DYNC1H1: variants seen among roughly 807,000 people sequenced by gnomAD.
The protein encoded by DYNC1H1 is cytoplasmic dynein 1 heavy chain 1.
A neutral mutation model predicts 527.1 loss-of-function variants in DYNC1H1; 51 were observed. The observed-to-expected ratio is 0.10, with a 90% CI of 0.08 to 0.12. DYNC1H1 has a LOEUF of 0.12. Among genes scored for constraint, DYNC1H1 ranks in the 10% least tolerant of loss-of-function variants. The pLI is 1.00. For missense variants in DYNC1H1, 2,771 were observed against 5,971.8 expected (o/e 0.46, Z 17.66); for synonymous variants, 2,189 against 2,278.8 (o/e 0.96, Z 1.12).
chr14:102,004,473 T>C, intron 23 of DYNC1H1, 45 bp from the exon 24 acceptor site: 1 of 1,568,778 alleles, frequency 6.4e-7, no homozygotes, highest in East Asian at 2.3e-5. Flanking sequence ...TCACCTTATA[T>C]GTGTATATAA....
intron 9 of DYNC1H1, among the ~76,000 whole-genome samples, chr14:101,988,065 T>TCA (rs963105024): frequency 9.2e-5 from 14 of 151,696 alleles, no homozygotes; most frequent in South Asian, 2.1e-4. Flanking sequence ...TGAGACCCTG[T>TCA]CACACACACA....
In DYNC1H1 at chr14:102,044,795, C is replaced by T. The variant is rs188868117; in HGVS notation, c.13006+97C>T. 3 of 1,396,238 alleles carry T rather than the reference C, an allele frequency of 2.1e-6. No individual in the cohort carries two copies. The highest frequency in any genetic ancestry group is 2.8e-5 in the African/African-American group (2 of 70,720). The allele number at this position is 1,396,238 out of a possible 1,614,324, so 86.5% of individuals were successfully genotyped here. A position where few individuals can be genotyped will look rare whatever the true frequency, so the allele number is the denominator to read the frequency against. On this transcript the variant is annotated intron_variant, in intron 72 of 77. Transcript: ENST00000360184. This position sits in a 1 kb window ranked among gnomAD's most constrained non-coding sequence, Gnocchi z 7.1. The stretch of plus-strand genomic sequence containing the variant: ...GGTCCCCACACGCAGGGTGAGTGTG[C>T]ACTGCTGTCCCAGGGCCCTCCCTGG...
rs2048337992 is a variant in DYNC1H1, at chr14:102,017,585, G to A, written c.8177+81G>A. ...GTAAACACAGCGCCACAAAAACCTG[G>A]TTTTGATAATAAAGACAACAATACT... On this transcript the variant is annotated intron_variant, in intron 40 of 77. Coordinates refer to ENST00000360184, the MANE Select transcript of DYNC1H1 (RefSeq NM_001376.5). This position sits in a 1 kb window ranked among gnomAD's most constrained non-coding sequence, Gnocchi z 4.6. 7 of 1,611,328 alleles carry A rather than the reference G, an allele frequency of 4.3e-6. No homozygotes were observed. Among genetic ancestry groups the A allele is most frequent in the Non-Finnish European group, 2.5e-6 (3 of 1,177,784 alleles).
rs897230510 is a variant in DYNC1H1, at chr14:102,004,421, A to G, written c.4884-97A>G. 6 of 1,389,784 alleles carry G rather than the reference A, an allele frequency of 4.3e-6. No homozygotes were observed. The African/African-American group carries it at 7.2e-5, about 17-fold the overall frequency. 86.1% of individuals were successfully genotyped at this position (1,389,784 alleles called of 1,614,324 possible). On this transcript the variant is annotated intron_variant, in intron 23 of 77. Coordinates refer to ENST00000360184, the MANE Select transcript of DYNC1H1 (RefSeq NM_001376.5). ...GGGCTGGAGATTGCCACCACCAGAC[A>G]CATGTTCTTTCCCTTCCTGCAGTTT...
At chr14:101,976,689 G>T (rs2047805320) in intron 2 of DYNC1H1, among the ~76,000 whole-genome samples, 1 of 152,030 alleles carries the variant, frequency 6.6e-6, no homozygotes, top group Non-Finnish European at 1.5e-5. Context: ...GCCATATCAT[G>T]GCATCTATCT....
chr14:101,979,598 G>T lies in DYNC1H1; in HGVS notation c.518+106G>T, dbSNP rs2047840280. 6.2e-7 allele frequency: 1 copy of T among 1,604,832 alleles called. No homozygotes were observed. The highest frequency in any genetic ancestry group is 8.5e-7 in the Non-Finnish European group (1 of 1,173,398). Reference sequence around the variant, plus strand: ...GGAGGGTAACGCTAGTGAGCCGAGGGGATATAAACCCTGTGTATTAATAAA... The same window carrying T: ...GGAGGGTAACGCTAGTGAGCCGAGGTGATATAAACCCTGTGTATTAATAAA... On this transcript the variant is annotated intron_variant, in intron 3 of 77. Transcript: ENST00000360184. The surrounding 1 kb of genome is among the most constrained non-coding windows in gnomAD (Gnocchi z 4.6).
intron 7 of DYNC1H1, among the ~76,000 whole-genome samples, chr14:101,984,660 C>T (rs2047912127): frequency 6.7e-6 from 1 of 150,120 alleles, no homozygotes; most frequent in Non-Finnish European, 1.5e-5. Context: ...CGGCCGGGCG[C>T]GGTGGCTCAC....
In DYNC1H1 at chr14:101,970,470, G is replaced by GTTTTTT. The variant is rs1324948272; in HGVS notation, c.257-5240_257-5239insTTTTTT. Among the ~76,000 whole-genome samples, 259 of 96,288 alleles carry GTTTTTT rather than the reference G, an allele frequency of 2.7e-3. 61 individuals are homozygous for GTTTTTT. Among genetic ancestry groups the GTTTTTT allele is most frequent in the African/African-American group, 9.5e-3 (199 of 21,048 alleles). The allele number at this position is 96,288 out of a possible 152,430, so 63.2% of individuals were successfully genotyped here. A position where few individuals can be genotyped will look rare whatever the true frequency, so the allele number is the denominator to read the frequency against. On this transcript the variant is annotated intron_variant, in intron 1 of 77. Coordinates refer to ENST00000360184, the MANE Select transcript of DYNC1H1 (RefSeq NM_001376.5). Reference sequence around the variant, plus strand: ...GTGGTATTAGTATGTTTGGTTTGTTGTTGTTTTTTTTTTTTTTTTTTTTTT... The same window carrying GTTTTTT: ...GTGGTATTAGTATGTTTGGTTTGTTGTTTTTTTTGTTTTTTTTTTTTTTTTTTTTTT...
chr14:102,048,815 T>TG, intron 74 of DYNC1H1, 146 bp downstream of exon 74: 4 of 59,330 alleles, frequency 6.7e-5, no homozygotes, highest in Non-Finnish European at 1.0e-4. Flanking sequence ...ACCCTCAAGG[T>TG]GGGCGGGGGG....
In DYNC1H1 at chr14:102,005,626, G is replaced by C. The variant is rs1429967569; in HGVS notation, c.5434-262G>C. Among the ~76,000 whole-genome samples the C allele has an allele frequency of 3.3e-5, 5 of 152,248 alleles. No individual in the cohort carries two copies. The highest frequency in any genetic ancestry group is 1.2e-4 in the African/African-American group (5 of 41,460). On this transcript the variant is annotated intron_variant, in intron 26 of 77. Coordinates refer to ENST00000360184, the MANE Select transcript of DYNC1H1 (RefSeq NM_001376.5). The surrounding 1 kb of genome is among the most constrained non-coding windows in gnomAD (Gnocchi z 4.0). ...AAAGCTAGTCTTCCATGATGTTTTA[G>C]AATGGTTGCAGAATTTTAAAATATT...
In DYNC1H1 at chr14:101,994,977, C is replaced by G. The variant is rs374218549; in HGVS notation, c.3334-9C>G. On this transcript the variant is annotated splice_polypyrimidine_tract_variant and intron_variant, in intron 13 of 77. Coordinates refer to ENST00000360184, the MANE Select transcript of DYNC1H1 (RefSeq NM_001376.5). ...GCTGATGATGTGTTGTGTGCTATTT[C>G]ACCCTCAGGTACAATCTAAGGTGAA... The G allele has an allele frequency of 1.2e-6, 2 of 1,613,954 alleles. No homozygotes were observed. The highest frequency in any genetic ancestry group is 1.7e-6 in the Non-Finnish European group (2 of 1,179,802).
chr14:102,000,740 A>G (rs2048121364), intron 18 of DYNC1H1: 1 of 526,186 alleles, frequency 1.9e-6, no homozygotes, highest in Non-Finnish European at 3.4e-6. Flanking sequence ...ACGCCCGGCT[A>G]ATTTTGTATT....
At chr14:102,040,802 A>C in intron 64 of DYNC1H1, 129 bp downstream of exon 64, 1 of 1,161,362 alleles carries the variant, frequency 8.6e-7, no homozygotes, top group Non-Finnish European at 1.3e-6. Context: ...TCTACAAAAA[A>C]TAAAACCTTA....
chr14:101,999,248 C>T (rs918895230), intron 16 of DYNC1H1, among the ~76,000 whole-genome samples: 5 of 152,064 alleles, frequency 3.3e-5, no homozygotes, highest in African/African-American at 1.2e-4. Context: ...ATGGTCATAG[C>T]TCACTGAAGC....
rs866504188 is a variant in DYNC1H1, at chr14:101,986,847, G to A, written c.2538+84G>A. 27 of 1,496,364 alleles carry A rather than the reference G, an allele frequency of 1.8e-5. 1 individual carries two copies. The Middle Eastern group carries it at 2.2e-3, about 119-fold the overall frequency. The allele number at this position is 1,496,364 out of a possible 1,614,324, so 92.7% of individuals were successfully genotyped here. The stretch of plus-strand genomic sequence containing the variant: ...GCTCAGTTAAAACACTAGTTCTCCC[G>A]AAGAAGGCATGCATGGTTGATGCAG... On this transcript the variant is annotated intron_variant, in intron 8 of 77. Coordinates refer to ENST00000360184, the MANE Select transcript of DYNC1H1 (RefSeq NM_001376.5). This position sits in a 1 kb window ranked among gnomAD's most constrained non-coding sequence, Gnocchi z 8.7.
rs753248251 is a variant in DYNC1H1, at chr14:102,043,941, T to C, written c.12580T>C (p.Leu4194=). The C allele has an allele frequency of 4.3e-6, 7 of 1,614,232 alleles. No homozygotes were observed. In the East Asian group the frequency reaches 1.6e-4, roughly 36 times the overall value. Residue 4194 remains leucine (L), a synonymous_variant, in exon 70 of 78, where the codon TTA becomes CTA. Transcript: ENST00000360184. The part of the protein sequence containing the change: ...AWFHAIIQER[L]RYAPLGWSKK... ...GTTTCATGCGATCATCCAAGAACGC[T>C]TACGATACGCACCACTGGGGTGGTC...
intron 5 of DYNC1H1, among the ~76,000 whole-genome samples, chr14:101,982,681 C>A (rs1281589096): frequency 1.4e-5 from 2 of 143,650 alleles, no homozygotes; most frequent in African/African-American, 2.6e-5. Flanking sequence ...CACCCCCCAA[C>A]CATCTGTGGA....
At chr14:101,984,932 CAAAAAAAA>C (rs773102943) in intron 7 of DYNC1H1, among the ~76,000 whole-genome samples, 10 of 40,164 alleles carry the variant, frequency 2.5e-4, no homozygotes, top group African/African-American at 3.5e-4. Context: ...GGCTCCGTCT[CAAAAAAAA>C]AAAAAAAAAA....
chr14:102,013,532 T>A (rs1353897801), intron 34 of DYNC1H1, among the ~76,000 whole-genome samples: 1 of 151,986 alleles, frequency 6.6e-6, no homozygotes, highest in African/African-American at 2.4e-5. Context: ...GCCGGTGTAC[T>A]TGAGGACAGC....
Sources: allele counts gnomAD v4.1 joint callset (sites outside exome capture counted in the v4.1 genomes callset), GRCh38; gene constraint gnomAD v4.1.1; non-coding constraint Gnocchi (gnomAD v3.1); transcripts MANE v1.5; gene names NCBI Gene and HGNC (gene_info 2026-07-23, HGNC 2026-07-21).